Variants in CCNY observed in about 807,000 individuals in gnomAD.
The protein encoded by CCNY is cyclin Y, also known as cyclin-Y.
A neutral mutation model predicts 42.8 loss-of-function variants in CCNY; 19 were observed. That is an observed-to-expected ratio of 0.44 (90% CI 0.31 to 0.65). The LOEUF (loss-of-function observed/expected upper bound fraction) is 0.65, where lower values mean the gene tolerates loss of function less well. CCNY is among the 30% of genes least tolerant of loss of function. The pLI is 0.07. For synonymous variants in CCNY, 165 were observed against 162.7 expected, an observed-to-expected ratio of 1.01 and a Z score of -0.11; for missense variants, 370 against 437.3, an observed-to-expected ratio of 0.85 and a Z score of 1.37.
intron 3 of CCNY, among the ~76,000 whole-genome samples, chr10:35,254,841 A>AC (rs1052205770): frequency 6.8e-6 from 1 of 147,836 alleles, no homozygotes; most frequent in Non-Finnish European, 1.5e-5. Context: ...AAAAAAAAAA[A>AC]AAAAAAAAAG....
Position 35,483,497 on chromosome 10 carries a change from T to C in CCNY, c.229+19T>C. The C allele has an allele frequency of 6.6e-7, 1 of 1,510,732 alleles. No individual in the cohort carries two copies. Among genetic ancestry groups the C allele is most frequent in the Non-Finnish European group, 9.1e-7 (1 of 1,094,716 alleles). 93.6% of individuals were successfully genotyped at this position (1,510,732 alleles called of 1,614,324 possible). Reference sequence around the variant, plus strand: ...ACGGACGGTAGGTCCTTAATTTATGTTTCTTTTTGTAAAAAAGGCTCATGT... The same window carrying C: ...ACGGACGGTAGGTCCTTAATTTATGCTTCTTTTTGTAAAAAAGGCTCATGT... On this transcript the variant is annotated intron_variant, in intron 2 of 9. Coordinates refer to ENST00000374704, the MANE Select transcript of CCNY (RefSeq NM_145012.6).
intron 1 of CCNY, among the ~76,000 whole-genome samples, chr10:35,364,122 G>A (rs1836759670): frequency 6.6e-6 from 1 of 152,014 alleles, no homozygotes; most frequent in African/African-American, 2.4e-5. Flanking sequence ...ATGATGGAAG[G>A]ATCTGGATTA....
chr10:35,523,606 AT>A (rs1840593123), intron 4 of CCNY, among the ~76,000 whole-genome samples: 1 of 152,200 alleles, frequency 6.6e-6, no homozygotes, highest in Admixed American at 6.5e-5. Flanking sequence ...CCGTGATAAT[AT>A]CCAATCTTGG....
At chr10:35,327,624 C>T (rs2135101433) in intron 3 of CCNY, 1 of 152,300 alleles carries the variant, frequency 6.6e-6, no homozygotes, top group South Asian at 2.1e-4. Flanking sequence ...TTACAATGTT[C>T]ACTTTTAGGG....
chr10:35,326,588 C>A (rs1418582899), intron 3 of CCNY, among the ~76,000 whole-genome samples: 1 of 152,184 alleles, frequency 6.6e-6, no homozygotes, highest in African/African-American at 2.4e-5. Flanking sequence ...CCAGGCTGCA[C>A]TTTTCCTGGA....
At chr10:35,268,997 T>C (rs1309191420) in intron 3 of CCNY, among the ~76,000 whole-genome samples, 1 of 152,218 alleles carries the variant, frequency 6.6e-6, no homozygotes, top group Non-Finnish European at 1.5e-5. Context: ...TCCCATTATC[T>C]TCATGAACAG....
intron 3 of CCNY, among the ~76,000 whole-genome samples, chr10:35,316,956 C>T (rs1476615627): frequency 6.6e-6 from 1 of 152,174 alleles, no homozygotes; most frequent in African/African-American, 2.4e-5. Flanking sequence ...AGTGATTCTC[C>T]TGCCTCAGCC....
chr10:35,463,607 C>T (rs951304611), intron 1 of CCNY, among the ~76,000 whole-genome samples: 52 of 152,256 alleles, frequency 3.4e-4, no homozygotes, highest in African/African-American at 1.2e-3. Context: ...CAAATGACAT[C>T]ATATACCAAC....
rs1841670321 is a variant in CCNY, at chr10:35,570,754, C to G, written c.*1584C>G. 6.6e-6 allele frequency: 1 copy of G among 152,278 alleles called. No homozygotes were observed. The highest frequency in any genetic ancestry group is 2.1e-4 in the South Asian group (1 of 4,830). 9.4% of individuals were successfully genotyped at this position (152,278 alleles called of 1,614,324 possible). A position where few individuals can be genotyped will look rare whatever the true frequency, so the allele number is the denominator to read the frequency against. On this transcript the variant is annotated 3_prime_UTR_variant, in exon 10 of 10. Transcript: ENST00000374704. Reference sequence around the variant, plus strand: ...ACCTGATCCCCAAACATTGCCTGCTCTCAATGAAACATGCTTTGGAAATGG... The same window carrying G: ...ACCTGATCCCCAAACATTGCCTGCTGTCAATGAAACATGCTTTGGAAATGG...
chr10:35,491,068 C>T lies in CCNY; in HGVS notation c.229+7590C>T, dbSNP rs373355959. ...TGGAGGAGGGTGGGTACTCAAAAGCCATGAGTAGTTGAGTGTGCAGACAGG... is the reference window on the plus strand; with the variant it reads ...TGGAGGAGGGTGGGTACTCAAAAGCTATGAGTAGTTGAGTGTGCAGACAGG... On this transcript the variant is annotated intron_variant, in intron 2 of 9. Coordinates refer to ENST00000374704, the MANE Select transcript of CCNY (RefSeq NM_145012.6). Among the ~76,000 whole-genome samples, 41 of 152,286 alleles carry T rather than the reference C, an allele frequency of 2.7e-4. No individual in the cohort carries two copies. In the South Asian group the frequency reaches 8.5e-3, roughly 32 times the overall value.
At chr10:35,275,589 C>CCAT (rs1486643752) in intron 3 of CCNY, among the ~76,000 whole-genome samples, 5 of 151,782 alleles carry the variant, frequency 3.3e-5, no homozygotes. Context: ...CGGTGAAACC[C>CCAT]CATCTCTACC....
rs115589270 is a variant in CCNY at position 35,280,050 on chromosome 10, G to T, written c.-9+29424G>T. On this transcript the variant is annotated intron_variant, in intron 3 of 11. Transcript: ENST00000374706. ...AACTGCTATTGTTCAGATCACCAAA[G>T]ATCTCCACGTTTCATCTTTGTATCT... 3.7e-3 allele frequency among the ~76,000 whole-genome samples: 570 copies of T among 152,250 alleles called. 1 individual carries two copies. Among genetic ancestry groups the T allele is most frequent in the African/African-American group, 0.013 (548 of 41,538 alleles).
intron 1 of CCNY, among the ~76,000 whole-genome samples, chr10:35,370,228 T>C (rs1292708847): frequency 6.6e-6 from 1 of 152,016 alleles, no homozygotes; most frequent in African/African-American, 2.4e-5. Flanking sequence ...CTCGGCTCAC[T>C]GCAAGCTCCG....
chr10:35,260,823 A>C (rs2095718983), intron 3 of CCNY, among the ~76,000 whole-genome samples: 2 of 152,222 alleles, frequency 1.3e-5, no homozygotes, highest in African/African-American at 4.8e-5. Flanking sequence ...TTGGTGTGTT[A>C]AGTGTGTGAA....
At chr10:35,375,716 A>T (rs977297699) in intron 1 of CCNY, among the ~76,000 whole-genome samples, 23 of 152,282 alleles carry the variant, frequency 1.5e-4, no homozygotes, top group African/African-American at 5.1e-4. Flanking sequence ...CAGAGGGTCT[A>T]CCCTTGGGAT....
chr10:35,495,091 T>A (rs1009807403), intron 2 of CCNY, among the ~76,000 whole-genome samples: 2 of 152,208 alleles, frequency 1.3e-5, no homozygotes, highest in Non-Finnish European at 2.9e-5. Context: ...ATAAAAAATA[T>A]CCTAAATCCA....
At chr10:35,462,444 G>A (rs1839176491) in intron 1 of CCNY, among the ~76,000 whole-genome samples, 2 of 152,292 alleles carry the variant, frequency 1.3e-5, no homozygotes, top group Admixed American at 1.3e-4. Context: ...TTGCCATTAT[G>A]ATCTGAGAAG....
At chr10:35,279,094 C>T (rs1039903723) in intron 3 of CCNY, among the ~76,000 whole-genome samples, 4 of 150,874 alleles carry the variant, frequency 2.7e-5, no homozygotes, top group Admixed American at 6.6e-5. Flanking sequence ...ATGAAAGCAC[C>T]AGTCAAGCTT....
intron 3 of CCNY, among the ~76,000 whole-genome samples, chr10:35,315,805 T>C (rs1360796488): frequency 6.6e-6 from 1 of 152,214 alleles, no homozygotes; most frequent in Non-Finnish European, 1.5e-5. Context: ...TGGTGTGAGA[T>C]GGTATCTCAC....
Sources: gnomAD v4.1 joint callset for allele counts (sites outside exome capture counted in the v4.1 genomes callset) on GRCh38, gnomAD v4.1.1 for gene constraint, MANE v1.5 for transcripts, NCBI Gene and HGNC (gene_info 2026-07-23, HGNC 2026-07-21) for gene names.